The following KCND2 variants were observed in gnomAD, a reference collection of about 807,000 sequenced individuals.
KCND2 encodes potassium voltage-gated channel subfamily D member 2.
KCND2 carries 16 observed loss-of-function variants against 54.4 expected under a neutral mutation model. The observed-to-expected ratio is 0.29, with a 90% CI of 0.20 to 0.45. The LOEUF (loss-of-function observed/expected upper bound fraction) is 0.45, where lower values mean the gene tolerates loss of function less well. KCND2 is among the 20% of genes least tolerant of loss of function. The pLI is 1.00. For synonymous variants in KCND2, 317 were observed against 310.7 expected, an observed-to-expected ratio of 1.02 and a Z score of -0.21; for missense variants, 486 against 824.2, an observed-to-expected ratio of 0.59 and a Z score of 5.02.
At chr7:120,623,996 C>G (rs1385581491) in intron 1 of KCND2, among the ~76,000 whole-genome samples, 1 of 152,122 alleles carries the variant, frequency 6.6e-6, no homozygotes, top group Non-Finnish European at 1.5e-5. Context: ...TATTGTCTGA[C>G]AAGCAATGCA....
At chr7:120,505,876 T>C (rs546596319) in intron 1 of KCND2, among the ~76,000 whole-genome samples, 80 of 151,926 alleles carry the variant, frequency 5.3e-4, no homozygotes, top group African/African-American at 1.8e-3. Context: ...TAACATACAA[T>C]CCCCTGTCTA....
chr7:120,365,605 G>C (rs1419396511), intron 1 of KCND2, among the ~76,000 whole-genome samples: 1 of 152,120 alleles, frequency 6.6e-6, no homozygotes, highest in East Asian at 1.9e-4. Flanking sequence ...TAAGGTAAGG[G>C]CAGAGGTGCT....
intron 2 of KCND2, among the ~76,000 whole-genome samples, chr7:120,740,296 A>ATGTT (rs1357239647): frequency 1.3e-5 from 2 of 152,010 alleles, no homozygotes; most frequent in Non-Finnish European, 2.9e-5. Context: ...ATTGTGTCAT[A>ATGTT]TGTTTATATT....
rs1799138266 is a variant in KCND2, at chr7:120,274,265, A to G, written c.-368A>G. 5.3e-6 allele frequency: 2 copies of G among 377,586 alleles called. No homozygotes were observed. Among genetic ancestry groups the G allele is most frequent in the Non-Finnish European group, 9.9e-6 (2 of 202,994 alleles). The allele number at this position is 377,586 out of a possible 1,614,324, so 23.4% of individuals were successfully genotyped here. On this transcript the variant is annotated 5_prime_UTR_variant, in exon 1 of 6. In the 5' UTR this introduces an upstream ATG that the reference lacks. Transcript: ENST00000331113. ...CCTACACTCCACATACTGACCCTAT[A>G]TTATCCAGACTGTGCCGGGGAGAAA...
At chr7:120,631,721 A>G (rs557166255) in intron 1 of KCND2, among the ~76,000 whole-genome samples, 1 of 152,256 alleles carries the variant, frequency 6.6e-6, no homozygotes, top group African/African-American at 2.4e-5. Flanking sequence ...TGGACAAGTA[A>G]TTTTATATGT....
chr7:120,472,423 G>C (rs1802471250), intron 1 of KCND2, among the ~76,000 whole-genome samples: 1 of 152,076 alleles, frequency 6.6e-6, no homozygotes, highest in Non-Finnish European at 1.5e-5. Context: ...GGTGGAAACT[G>C]CATGGGCTTC....
chr7:120,571,669 C>T (rs527534138), intron 1 of KCND2, among the ~76,000 whole-genome samples: 17 of 152,286 alleles, frequency 1.1e-4, no homozygotes, highest in East Asian at 1.9e-4. Flanking sequence ...CTTTAAAAAC[C>T]GCATAACTCT....
chr7:120,334,567 A>T (rs755081488), intron 1 of KCND2, among the ~76,000 whole-genome samples: 13 of 152,228 alleles, frequency 8.5e-5, no homozygotes, highest in Non-Finnish European at 1.8e-4. Context: ...GAACCTGCAG[A>T]CAAACCACTT....
intron 1 of KCND2, among the ~76,000 whole-genome samples, chr7:120,542,700 A>T (rs932672142): frequency 6.6e-6 from 1 of 152,080 alleles, no homozygotes; most frequent in African/African-American, 2.4e-5. Flanking sequence ...TGAGGAGACA[A>T]TCTTACATTT....
At chr7:120,556,712 T>C (rs924836036) in intron 1 of KCND2, among the ~76,000 whole-genome samples, 1 of 152,082 alleles carries the variant, frequency 6.6e-6, no homozygotes, top group Non-Finnish European at 1.5e-5. Context: ...TTATTACACT[T>C]TTGCACAGAG....
At chr7:120,333,924 T>A (rs976698846) in intron 1 of KCND2, among the ~76,000 whole-genome samples, 27 of 152,296 alleles carry the variant, frequency 1.8e-4, no homozygotes, top group Admixed American at 6.5e-4. Flanking sequence ...CTACATTTTT[T>A]AAAAATATAT....
Position 120,485,811 on chromosome 7 carries a change from T to A in KCND2, c.1115+210064T>A, listed in dbSNP as rs1272231603. 2.0e-5 allele frequency among the ~76,000 whole-genome samples: 3 copies of A among 152,218 alleles called. No homozygotes were observed. In the East Asian group the frequency reaches 5.8e-4, roughly 29 times the overall value. ...ACATATTTTTTGTTTCTCTTTTCTG[T>A]CTCTCTTCTCAAGAAAGTAAGCTAC... On this transcript the variant is annotated intron_variant, in intron 1 of 5. Transcript: ENST00000331113.
At chr7:120,522,966 T>C (rs1206763433) in intron 1 of KCND2, among the ~76,000 whole-genome samples, 1 of 152,164 alleles carries the variant, frequency 6.6e-6, no homozygotes, top group Non-Finnish European at 1.5e-5. Flanking sequence ...CTATTCTCAA[T>C]TTGTAGTATT....
chr7:120,688,097 C>T (rs1295221116), intron 1 of KCND2, among the ~76,000 whole-genome samples: 1 of 152,128 alleles, frequency 6.6e-6, no homozygotes, highest in Admixed American at 6.6e-5. Flanking sequence ...AGCTGCAAAA[C>T]TAAAGCCAAG....
chr7:120,649,979 A>G (rs1791705766), intron 1 of KCND2, among the ~76,000 whole-genome samples: 1 of 152,102 alleles, frequency 6.6e-6, no homozygotes, highest in African/African-American at 2.4e-5. Flanking sequence ...TTCTGCCGAG[A>G]GATCCGCTGT....
chr7:120,526,644 G>C (rs1791777453), intron 1 of KCND2, among the ~76,000 whole-genome samples: 1 of 152,062 alleles, frequency 6.6e-6, no homozygotes, highest in Admixed American at 6.6e-5. Context: ...AAACAACTAA[G>C]AAATGTAGCC....
Position 120,346,668 on chromosome 7 carries a change from CCTCT to C in KCND2, c.1115+70934_1115+70937del, listed in dbSNP as rs148518409. 4.6e-3 allele frequency among the ~76,000 whole-genome samples: 682 copies of C among 149,090 alleles called. 5 individuals carry two copies. Among genetic ancestry groups the C allele is most frequent in the African/African-American group, 0.016 (634 of 40,846 alleles). On this transcript the variant is annotated intron_variant, in intron 1 of 5. Transcript: ENST00000331113. ...TCTCTTTTTCAATTTTCTCTTCTCT[CCTCT>C]CTCTCTCTCTCTGTCTCTTTCTCTC...
At chr7:120,574,146 A>G (rs1322096281) in intron 1 of KCND2, among the ~76,000 whole-genome samples, 1 of 152,210 alleles carries the variant, frequency 6.6e-6, no homozygotes, top group African/African-American at 2.4e-5. Flanking sequence ...TTCTTTCACT[A>G]AATAGGTAAA....
At chr7:120,354,182 A>G (rs1800460589) in intron 1 of KCND2, among the ~76,000 whole-genome samples, 1 of 152,190 alleles carries the variant, frequency 6.6e-6, no homozygotes, top group Admixed American at 6.5e-5. Context: ...ATGGTTATTC[A>G]GATGTGGGCA....
Sources: gnomAD v4.1 joint callset for allele counts (sites outside exome capture counted in the v4.1 genomes callset) on GRCh38, gnomAD v4.1.1 for gene constraint, MANE v1.5 for transcripts, NCBI Gene and HGNC (gene_info 2026-07-23, HGNC 2026-07-21) for gene names.